The following DSCAML1 variants were observed in gnomAD, a reference collection of about 807,000 sequenced individuals.
DSCAML1 encodes the protein cell adhesion molecule DSCAML1.
A neutral mutation model predicts 200.5 loss-of-function variants in DSCAML1; 38 were observed. The ratio of observed to expected loss-of-function variants is 0.19; its 90% CI spans 0.15 to 0.25. The LOEUF is 0.25. DSCAML1 is among the 10% of genes least tolerant of loss of function. DSCAML1 has a pLI of 1.00. For missense variants in DSCAML1, 2,223 were observed against 2,858.8 expected (o/e 0.78, Z 5.07); for synonymous variants, 1,215 against 1,165.0 (o/e 1.04, Z -0.87).
At chr11:117,735,472 A>C (rs2137827392) in intron 3 of DSCAML1, among the ~76,000 whole-genome samples, 1 of 151,652 alleles carries the variant, frequency 6.6e-6, no homozygotes, top group Admixed American at 6.6e-5. Context: ...CTGCCCCTGA[A>C]GAGAGGAGAG....
In DSCAML1 at chr11:117,780,231, G is replaced by GAAAGGAAAGAAAGAAAGAAAAA. The variant is rs1555032678; in HGVS notation, c.364+261_364+262insTTTTTCTTTCTTTCTTTCCTTT. Among the ~76,000 whole-genome samples the GAAAGGAAAGAAAGAAAGAAAAA allele has an allele frequency of 1.6e-5, 1 of 60,648 alleles. No homozygotes were observed. The highest frequency in any genetic ancestry group is 6.6e-5 in the African/African-American group (1 of 15,248). The allele number at this position is 60,648 out of a possible 152,430, so 39.8% of individuals were successfully genotyped here. On this transcript the variant is annotated intron_variant, in intron 2 of 32. Transcript: ENST00000651296. This position sits in a 1 kb window ranked among gnomAD's most constrained non-coding sequence, Gnocchi z 4.8. ...AAAGAGAGAGAGAGAAAGAAAGAAA[G>GAAAGGAAAGAAAGAAAGAAAAA]GAAAGAAAGAAAGAAAGAAAGAAAG... is the stretch of plus-strand genomic sequence containing the variant.
chr11:117,494,363 C>T (rs2049251025), intron 11 of DSCAML1, among the ~76,000 whole-genome samples: 1 of 152,202 alleles, frequency 6.6e-6, no homozygotes. Flanking sequence ...GTTACATAGA[C>T]CACTGGCCAG....
chr11:117,518,642 T>C lies in DSCAML1; in HGVS notation c.1334A>G (p.Asp445Gly). 6.2e-7 allele frequency: 1 copy of C among 1,613,482 alleles called. No individual in the cohort carries two copies. The highest frequency in any genetic ancestry group is 8.5e-7 in the Non-Finnish European group (1 of 1,179,920). ...GCTGCCATCCCGCACGATGGGCTCA[T>C]CGTCGAGGGCCCAGGTGACCGTGGG... ...PPPTVTWALD[D>G]EPIVRDGSHR... The change falls in exon 7 of 33, where the codon GAT (aspartate) becomes GGT (glycine). Residue 445 changes from aspartate (D) to glycine (G), a missense_variant. Transcript: ENST00000651296. The surrounding 1 kb of genome is among the most constrained non-coding windows in gnomAD (Gnocchi z 6.3).
chr11:117,663,369 C>T (rs571288204), intron 3 of DSCAML1, among the ~76,000 whole-genome samples: 1 of 152,134 alleles, frequency 6.6e-6, no homozygotes, highest in South Asian at 2.1e-4. Flanking sequence ...CCCAGCCTGG[C>T]GCCCAGGACT....
At chr11:117,712,167 A>C (rs1050234022) in intron 3 of DSCAML1, among the ~76,000 whole-genome samples, 3 of 152,162 alleles carry the variant, frequency 2.0e-5, no homozygotes, top group Non-Finnish European at 2.9e-5. Flanking sequence ...GCCTGTAGTA[A>C]AGAAGAATAC....
chr11:117,617,680 G>GCACA (rs36207373), intron 3 of DSCAML1, among the ~76,000 whole-genome samples: 4,392 of 142,914 alleles, frequency 0.031, 67 homozygotes, highest in South Asian at 0.04. Flanking sequence ...ACAGGTACAC[G>GCACA]CACACACACA....
At chr11:117,802,987 T>C (rs2055674840) in intron 1 of DSCAML1, among the ~76,000 whole-genome samples, 1 of 152,054 alleles carries the variant, frequency 6.6e-6, no homozygotes, top group African/African-American at 2.4e-5. Flanking sequence ...CACTGTAGAA[T>C]AATAGAGTTT....
rs200666713 is a variant in DSCAML1, at chr11:117,702,456, G to A, written c.511+74335C>T. 2.0e-5 allele frequency among the ~76,000 whole-genome samples: 3 copies of A among 152,006 alleles called. No homozygotes were observed. The East Asian group carries it at 5.8e-4, about 29-fold the overall frequency. On this transcript the variant is annotated intron_variant, in intron 3 of 32. Transcript: ENST00000651296. ...CCTTAAGCTTCACCTCCTCCAGGAA[G>A]CCTTTCCCTGACTGCTCCTCTTTCA...
At chr11:117,765,817 G>A (rs548646847) in intron 3 of DSCAML1, among the ~76,000 whole-genome samples, 18 of 152,296 alleles carry the variant, frequency 1.2e-4, no homozygotes, top group African/African-American at 3.1e-4. Flanking sequence ...AGTTAGGTGC[G>A]GAGTCAGGGT....
At chr11:117,637,959 G>A (rs532813235) in intron 3 of DSCAML1, among the ~76,000 whole-genome samples, 11 of 152,304 alleles carry the variant, frequency 7.2e-5, no homozygotes, top group East Asian at 3.9e-4. Context: ...AGCCCATTCT[G>A]TAGAGGCCCC....
chr11:117,626,572 A>G (rs1178783180), intron 3 of DSCAML1, among the ~76,000 whole-genome samples: 1 of 152,118 alleles, frequency 6.6e-6, no homozygotes, highest in African/African-American at 2.4e-5. Flanking sequence ...TTCCTTATTC[A>G]TAAAGGGTGC....
At chr11:117,539,049 T>A (rs2050216963) in intron 3 of DSCAML1, among the ~76,000 whole-genome samples, 2 of 152,088 alleles carry the variant, frequency 1.3e-5, no homozygotes, top group South Asian at 4.1e-4. Flanking sequence ...TGCATTCCCA[T>A]CTCAATCCGG....
chr11:117,607,004 C>G (rs1331773465), intron 3 of DSCAML1, among the ~76,000 whole-genome samples: 1 of 152,210 alleles, frequency 6.6e-6, no homozygotes, highest in Non-Finnish European at 1.5e-5. Context: ...CACAGCCCTG[C>G]CCTTGGGAGA....
At chr11:117,808,313 C>A (rs1725680702) in intron 1 of DSCAML1, among the ~76,000 whole-genome samples, 1 of 152,216 alleles carries the variant, frequency 6.6e-6, no homozygotes, top group Non-Finnish European at 1.5e-5. Flanking sequence ...TCTGGGCAAT[C>A]TGCCGACACA....
intron 26 of DSCAML1, among the ~76,000 whole-genome samples, chr11:117,436,267 G>T (rs1363953499): frequency 6.6e-6 from 1 of 152,118 alleles, no homozygotes; most frequent in Admixed American, 6.5e-5. Context: ...ACCCCTCCTG[G>T]GGGCCATATC....
rs527646210 is a variant in DSCAML1 at position 117,460,753 on chromosome 11, A to T, written c.3412+697T>A. On this transcript the variant is annotated intron_variant, in intron 18 of 32. Transcript: ENST00000651296. ...GTTTCTCTCCATTTGCCATTTCTCT[A>T]CCCCCCTGCTCCACTGTGCGCACCT... 2.6e-4 allele frequency among the ~76,000 whole-genome samples: 40 copies of T among 151,702 alleles called. 1 individual carries two copies. The South Asian group carries it at 6.5e-3, about 25-fold the overall frequency.
chr11:117,701,612 G>A (rs1230053837), intron 3 of DSCAML1, among the ~76,000 whole-genome samples: 6 of 152,190 alleles, frequency 3.9e-5, no homozygotes, highest in East Asian at 3.9e-4. Flanking sequence ...CCAGCGCGGG[G>A]TGGGGGAGGC....
At chr11:117,623,976 G>A (rs1027950153) in intron 3 of DSCAML1, among the ~76,000 whole-genome samples, 3 of 152,150 alleles carry the variant, frequency 2.0e-5, no homozygotes. Flanking sequence ...AATTTCACAG[G>A]AGCTGTCAAG....
At chr11:117,448,624 T>G (rs2048225558) in intron 20 of DSCAML1, among the ~76,000 whole-genome samples, 1 of 94,174 alleles carries the variant, frequency 1.1e-5, no homozygotes, top group African/African-American at 4.4e-5. Flanking sequence ...GAGCCTAGAA[T>G]GTGTGTGTGT....
Sources: gnomAD v4.1 joint callset for allele counts (sites outside exome capture counted in the v4.1 genomes callset) on GRCh38, gnomAD v4.1.1 for gene constraint, Gnocchi (gnomAD v3.1) non-coding constraint, MANE v1.5 for transcripts, NCBI Gene and HGNC (gene_info 2026-07-23, HGNC 2026-07-21) for gene names.